Variants in PARP10 observed in about 807,000 individuals in gnomAD.
The protein encoded by PARP10 is poly(ADP-ribose) polymerase family member 10.
A neutral mutation model predicts 82.4 loss-of-function variants in PARP10; 56 were observed. The observed-to-expected ratio is 0.68, with a 90% confidence interval of 0.55 to 0.85. PARP10 has a LOEUF of 0.85. Ranked by LOEUF, PARP10 falls within the 40% of genes least tolerant of loss-of-function variation. The pLI is 0.00. For synonymous variants in PARP10, 576 were observed against 601.1 expected (o/e 0.96, Z 0.61); for missense variants, 1,227 against 1,379.4 (o/e 0.89, Z 1.75).
chr8:144,001,126 G>A (rs1834199706), intron 1 of PARP10, among the ~76,000 whole-genome samples: 1 of 151,812 alleles, frequency 6.6e-6, no homozygotes. Context: ...GTGTTAGCCA[G>A]GATGGTCTCG....
In PARP10 at chr8:143,983,464, G is replaced by A; in HGVS notation, c.2125C>T (p.Leu709=). 7 of 1,606,560 alleles carry A rather than the reference G, an allele frequency of 4.4e-6. No individual in the cohort carries two copies. Among genetic ancestry groups the A allele is most frequent in the Non-Finnish European group, 5.9e-6 (7 of 1,178,806 alleles). ...TGCTCAAAGGCCGAGTGCACCACCA[G>A]CTGGGCCTTGCCATCAGTCCCCCCA... ...PDGGTDGKAQ[L]VVHSAFEQDV... is the part of the protein sequence containing the mutation. Residue 709 remains leucine, a synonymous_variant, in exon 8 of 11, where the codon CTG becomes TTG. Transcript: ENST00000313028.
upstream of PARP10, chr8:143,990,681 T>A (rs1834075452): frequency 6.6e-6 from 1 of 151,964 alleles, no homozygotes. The surrounding 1 kb of genome is among the most constrained non-coding windows in gnomAD (Gnocchi z 5.6). Flanking sequence ...GGCCCTGTTG[T>A]TGGGCTCGCG....
upstream of PARP10, chr8:143,988,686 T>A (rs906474687): frequency 5.9e-5 from 9 of 151,822 alleles, no homozygotes; most frequent in African/African-American, 1.9e-4. Context: ...GCCAGGATGG[T>A]CTCCATCTCC....
rs1554746422 is a variant in PARP10, at chr8:143,977,469, G to A, written c.*15C>T. 6.5e-7 allele frequency: 1 copy of A among 1,529,700 alleles called. No individual in the cohort carries two copies. Among genetic ancestry groups the A allele is most frequent in the Admixed American group, 2.0e-5 (1 of 50,172 alleles). 94.8% of individuals were successfully genotyped at this position (1,529,700 alleles called of 1,614,324 possible). A position where few individuals can be genotyped will look rare whatever the true frequency, so the allele number is the denominator to read the frequency against. On this transcript the variant is annotated 3_prime_UTR_variant, in exon 11 of 11. Coordinates refer to ENST00000313028, the MANE Select transcript of PARP10 (RefSeq NM_032789.5). ...GGAGCCTGGGAAGCAGGAGGCCAGA[G>A]GGTGGCCCCTTCGGTTAAGTGTCTG...
At chr8:143,992,378 G>C (rs372504870), upstream of PARP10, 406 of 1,606,450 alleles carry the variant, frequency 2.5e-4, no homozygotes, top group Non-Finnish European at 2.8e-4. Context: ...ATGCAGGTGA[G>C]GGGCCTCCCG....
upstream of PARP10, among the ~76,000 whole-genome samples, chr8:143,995,146 C>T (rs1374279030): frequency 3.3e-5 from 5 of 152,254 alleles, no homozygotes; most frequent in African/African-American, 1.2e-4. Flanking sequence ...CCCCCACTGC[C>T]AGAGAGAAGG....
intron 1 of PARP10, among the ~76,000 whole-genome samples, chr8:143,998,320 G>A (rs1554751444): frequency 1.3e-5 from 2 of 152,196 alleles, no homozygotes; most frequent in Non-Finnish European, 1.5e-5. Context: ...AGGGGCAGAT[G>A]TGAACCAGAC....
At chr8:143,989,920 C>A (rs1834060852), upstream of PARP10, 1 of 152,232 alleles carries the variant, frequency 6.6e-6, no homozygotes, top group Non-Finnish European at 1.5e-5. The surrounding 1 kb of genome is among the most constrained non-coding windows in gnomAD (Gnocchi z 4.3). Context: ...CCTCGGCAGA[C>A]AGTGAGAGGC....
chr8:143,997,053 T>TC (rs1834169626), intron 1 of PARP10, among the ~76,000 whole-genome samples: 1 of 152,144 alleles, frequency 6.6e-6, no homozygotes, highest in South Asian at 2.1e-4. Context: ...TGGCCCCTCC[T>TC]CCGCCAGGGC....
At position 143,983,827 on chromosome 8, in the gene PARP10, G is replaced by A. The variant is rs782328830; in HGVS notation, c.1778-16C>T. The A allele has an allele frequency of 6.4e-7, 1 of 1,557,966 alleles. No homozygotes were observed. Among genetic ancestry groups the A allele is most frequent in the Non-Finnish European group, 8.7e-7 (1 of 1,151,496 alleles). ...CGGACCTCCTCTGGGGGCAGGGAGA[G>A]GCCATTGGGTCAGGGGCTGGACCCA... On this transcript the variant is annotated splice_polypyrimidine_tract_variant and intron_variant, in intron 7 of 10. Transcript: ENST00000313028.
At position 143,983,690 on chromosome 8, in the gene PARP10, C is replaced by T. The variant is rs1833919033; in HGVS notation, c.1899G>A (p.Gly633=). The T allele has an allele frequency of 1.9e-6, 3 of 1,609,188 alleles. No homozygotes were observed. Among genetic ancestry groups the T allele is most frequent in the Non-Finnish European group, 2.5e-6 (3 of 1,177,476 alleles). ...QEQPEEEVTP[G]HEEEEPVAPS... The stretch of plus-strand genomic sequence containing the variant: ...GGGCCACAGGCTCCTCCTCCTCATG[C>T]CCTGGGGTCACCTCCTCCTCTGGCT... Residue 633 remains glycine (G), a synonymous_variant, in exon 8 of 11, where the codon GGG becomes GGA. Transcript: ENST00000313028.
chr8:143,980,312 T>A (rs1241166207), intron 9 of PARP10, among the ~76,000 whole-genome samples: 21 of 88,122 alleles, frequency 2.4e-4, no homozygotes, highest in Middle Eastern at 0.029. Flanking sequence ...TGAGTGAGAT[T>A]CCGTCTCAAA....
chr8:143,983,348 A>G lies in PARP10; in HGVS notation c.2241T>C (p.Pro747=), dbSNP rs1262927934. The change falls in exon 8 of 11, where the codon CCT becomes CCC. Residue 747 remains proline, a synonymous_variant. Transcript: ENST00000313028. ...GCTCCAGGCGAGCACGCAGCTCTGC[A>G]GGCAGTGTGCGGCGCCAGGGCCCCA... ...ETVGPWRRTL[P]AELRARLERC... 2.5e-6 allele frequency: 4 copies of G among 1,609,352 alleles called. No homozygotes were observed. Among genetic ancestry groups the G allele is most frequent in the Non-Finnish European group, 3.4e-6 (4 of 1,179,140 alleles).
chr8:143,979,140 CTTTTTTGTA>C (rs1364220858), intron 9 of PARP10, among the ~76,000 whole-genome samples: 4 of 152,126 alleles, frequency 2.6e-5, no homozygotes, highest in African/African-American at 9.6e-5. Flanking sequence ...GCCCGGCTAT[CTTTTTTGTA>C]TTTTTAGTAG....
intron 1 of PARP10, among the ~76,000 whole-genome samples, chr8:144,002,622 C>T (rs1274153267): frequency 2.0e-5 from 3 of 151,958 alleles, no homozygotes; most frequent in Admixed American, 6.6e-5. Context: ...AACAATAGAA[C>T]CACACCCATT....
At chr8:143,979,012 G>T (rs188868273) in intron 9 of PARP10, among the ~76,000 whole-genome samples, 1 of 148,182 alleles carries the variant, frequency 6.7e-6, no homozygotes, top group Non-Finnish European at 1.5e-5. Context: ...TGGCTGTGTC[G>T]CCCAGGCTGG....
upstream of PARP10, among the ~76,000 whole-genome samples, chr8:143,994,659 G>C (rs1388268442): frequency 2.0e-5 from 3 of 152,204 alleles, no homozygotes; most frequent in Non-Finnish European, 1.5e-5. Context: ...CCCTCTGCCA[G>C]TGTGGGGACA....
At chr8:143,996,211 A>C (rs1040944462) in intron 1 of PARP10, among the ~76,000 whole-genome samples, 2 of 152,308 alleles carry the variant, frequency 1.3e-5, no homozygotes, top group South Asian at 4.1e-4. Flanking sequence ...CAGGTCACTG[A>C]CTATATGAAG....
At chr8:143,997,123 A>C (rs562919555) in intron 1 of PARP10, among the ~76,000 whole-genome samples, 1 of 152,310 alleles carries the variant, frequency 6.6e-6, no homozygotes, top group Admixed American at 6.5e-5. Context: ...AAGACACTAC[A>C]AATGTCTCCC....
Sources: allele counts gnomAD v4.1 joint callset (sites outside exome capture counted in the v4.1 genomes callset), GRCh38; gene constraint gnomAD v4.1.1; non-coding constraint Gnocchi (gnomAD v3.1); transcripts MANE v1.5; gene names NCBI Gene and HGNC (gene_info 2026-07-23, HGNC 2026-07-21).